Variants in CCDC191 observed in about 807,000 individuals in gnomAD.
CCDC191 encodes coiled-coil domain containing 191, also known as coiled-coil domain-containing protein 191.
Under a neutral mutation model 114.0 loss-of-function variants are expected in CCDC191, and 99 were observed. The observed-to-expected ratio is 0.87, with a 90% CI of 0.74 to 1.03. The LOEUF (loss-of-function observed/expected upper bound fraction) is 1.03. CCDC191 is among the 50% of genes least tolerant of loss of function. The pLI is 0.00. For synonymous variants in CCDC191, 351 were observed against 376.0 expected, an observed-to-expected ratio of 0.93 and a Z score of 0.77; for missense variants, 973 against 1,087.0, an observed-to-expected ratio of 0.90 and a Z score of 1.47.
At chr3:114,002,818 G>C (rs746497119) in intron 11 of CCDC191, 303 of 934,536 alleles carry the variant, frequency 3.2e-4, no homozygotes, top group Non-Finnish European at 3.6e-4. Context: ...GATTTATAAT[G>C]TGCCTTGATG....
At chr3:113,988,104 T>A (rs2075429139) in intron 13 of CCDC191, among the ~76,000 whole-genome samples, 1 of 151,068 alleles carries the variant, frequency 6.6e-6, no homozygotes, top group South Asian at 2.1e-4. Flanking sequence ...TAAAATAGAA[T>A]CATAAAGATG....
Position 114,036,560 on chromosome 3 carries a change from C to A in CCDC191, c.594+48G>T, listed in dbSNP as rs1172762806. 3 of 1,383,820 alleles carry A rather than the reference C, an allele frequency of 2.2e-6. No homozygotes were observed. The African/African-American group carries it at 4.4e-5, about 20-fold the overall frequency. The allele number at this position is 1,383,820 out of a possible 1,614,324, so 85.7% of individuals were successfully genotyped here. On this transcript the variant is annotated intron_variant, in intron 5 of 16. Transcript: ENST00000295878. ...ATTTAAGCTTATTAAATGTGTTACACAAAGACTGCTTCCTGTTATCCATTT... is the reference window on the plus strand; with the variant it reads ...ATTTAAGCTTATTAAATGTGTTACAAAAAGACTGCTTCCTGTTATCCATTT...
intron 16 of CCDC191, among the ~76,000 whole-genome samples, chr3:113,967,776 T>C (rs1398383678): frequency 6.6e-6 from 1 of 152,182 alleles, no homozygotes; most frequent in Non-Finnish European, 1.5e-5. Context: ...AATCAACCTC[T>C]CTTCATCCAC....
intron 16 of CCDC191, among the ~76,000 whole-genome samples, chr3:113,976,069 C>T (rs952855688): frequency 9.9e-5 from 15 of 151,500 alleles, no homozygotes; most frequent in Non-Finnish European, 1.6e-4. Context: ...TCAGCCTGGG[C>T]AGCATGGTAA....
At chr3:114,027,994 A>G (rs2076348798) in intron 7 of CCDC191, among the ~76,000 whole-genome samples, 2 of 152,226 alleles carry the variant, frequency 1.3e-5, no homozygotes, top group Non-Finnish European at 2.9e-5. Context: ...TGTCCTATCT[A>G]TAACCAAGTC....
chr3:114,024,877 G>C (rs895763958), intron 7 of CCDC191, among the ~76,000 whole-genome samples: 1 of 152,016 alleles, frequency 6.6e-6, no homozygotes, highest in Non-Finnish European at 1.5e-5. Context: ...CTTTGTCATG[G>C]CAAAATAAAT....
chr3:114,042,918 A>G, intron 3 of CCDC191, 72 bp from the exon 4 acceptor site: 3 of 1,372,818 alleles, frequency 2.2e-6, no homozygotes, highest in Non-Finnish European at 3.0e-6. Flanking sequence ...GTTTTCATTT[A>G]TTCAATAAAT....
chr3:114,033,155 T>G (rs962006499), intron 6 of CCDC191, among the ~76,000 whole-genome samples: 3 of 151,724 alleles, frequency 2.0e-5, no homozygotes, highest in Non-Finnish European at 1.5e-5. Context: ...TGGAGTGCAG[T>G]GGCATGATCT....
In CCDC191 at chr3:114,016,061, C is replaced by T. The variant is rs116980708; in HGVS notation, c.1163+2617G>A. ...TCTGGGCCCTTCATGGCGGACAGGC[C>T]AGTGAGCGGAAATCGAGGTGGCAAA... On this transcript the variant is annotated intron_variant, in intron 8 of 16. Transcript: ENST00000295878. Among the ~76,000 whole-genome samples, 6 of 152,326 alleles carry T rather than the reference C, an allele frequency of 3.9e-5. No individual in the cohort carries two copies. The East Asian group carries it at 1.2e-3, about 29-fold the overall frequency.
rs764397230 is a variant in CCDC191, at chr3:114,018,877, G to T, written c.973-9C>A. 2.5e-6 allele frequency: 4 copies of T among 1,612,060 alleles called. No homozygotes were observed. Among genetic ancestry groups the T allele is most frequent in the South Asian group, 1.1e-5 (1 of 90,922 alleles). ...AAATACCGTTTTTGACACTGCAGCG[G>T]AAATATTAGGAAAATCACCACCCAT... On this transcript the variant is annotated splice_polypyrimidine_tract_variant and intron_variant, in intron 7 of 16. Transcript: ENST00000295878.
intron 11 of CCDC191, chr3:114,004,406 G>A: frequency 9.3e-7 from 1 of 1,072,338 alleles, no homozygotes; most frequent in Non-Finnish European, 1.1e-6. Context: ...ATGTTTTTTT[G>A]TGTGTGTGTT....
At chr3:114,038,891 G>C (rs2076523240) in intron 4 of CCDC191, among the ~76,000 whole-genome samples, 1 of 152,156 alleles carries the variant, frequency 6.6e-6, no homozygotes, top group South Asian at 2.1e-4. Context: ...ATGGGTGGCA[G>C]GGGGAGGAAG....
rs2076307669 is a variant in CCDC191 at position 114,025,434 on chromosome 3, T to C, written c.972+6192A>G. On this transcript the variant is annotated intron_variant, in intron 7 of 16. Coordinates refer to ENST00000295878, the MANE Select transcript of CCDC191 (RefSeq NM_020817.2). Reference sequence around the variant, plus strand: ...ATCACAGATACCGCATATTGTATCATGTTATCCATAAATGTGTCAATATGT... The same window carrying C: ...ATCACAGATACCGCATATTGTATCACGTTATCCATAAATGTGTCAATATGT... Among the ~76,000 whole-genome samples, 4 of 152,308 alleles carry C rather than the reference T, an allele frequency of 2.6e-5. No individual in the cohort carries two copies. The South Asian group carries it at 8.3e-4, about 32-fold the overall frequency.
intron 4 of CCDC191, among the ~76,000 whole-genome samples, chr3:114,041,405 T>A (rs192007652): frequency 1.3e-5 from 2 of 152,346 alleles, no homozygotes; most frequent in Admixed American, 1.3e-4. Flanking sequence ...CATGTTATTT[T>A]AGTTGTACCA....
At chr3:114,047,736 A>G (rs1218780499) in intron 2 of CCDC191, among the ~76,000 whole-genome samples, 2 of 152,102 alleles carry the variant, frequency 1.3e-5, no homozygotes, top group African/African-American at 4.8e-5. Flanking sequence ...GCACTTTGGG[A>G]GGCCGAGGCG....
chr3:114,006,073 G>A lies in CCDC191; in HGVS notation c.1414-111C>T, dbSNP rs902897263. 5.2e-6 allele frequency: 5 copies of A among 959,596 alleles called. No homozygotes were observed. The Admixed American group carries it at 7.7e-5, about 15-fold the overall frequency. 59.4% of individuals were successfully genotyped at this position (959,596 alleles called of 1,614,324 possible). A position where few individuals can be genotyped will look rare whatever the true frequency, so the allele number is the denominator to read the frequency against. ...TTTAATGGCACAACTGCCATGTATT[G>A]CAGGTAAAGGTGGTCTGTGCTCCTG... On this transcript the variant is annotated intron_variant, in intron 9 of 16. Transcript: ENST00000295878.
At chr3:114,004,304 C>A (rs73230277) in intron 11 of CCDC191, 37,752 of 998,456 alleles carry the variant, frequency 0.038, 759 homozygotes, top group South Asian at 0.051. Flanking sequence ...TTGTCCTTGG[C>A]AGTTACTCAG....
At chr3:113,968,618 A>C (rs927417539) in intron 16 of CCDC191, among the ~76,000 whole-genome samples, 2 of 147,536 alleles carry the variant, frequency 1.4e-5, no homozygotes, top group African/African-American at 2.5e-5. Context: ...CCTGGCTAAT[A>C]GTTTTTTGTT....
chr3:114,029,704 C>T (rs2076377100), intron 7 of CCDC191, among the ~76,000 whole-genome samples: 2 of 152,150 alleles, frequency 1.3e-5, no homozygotes, highest in Non-Finnish European at 2.9e-5. Context: ...TCAGTAATTA[C>T]GTCCTCCTTG....
Sources: gnomAD v4.1 joint callset for allele counts (sites outside exome capture counted in the v4.1 genomes callset) on GRCh38, gnomAD v4.1.1 for gene constraint, MANE v1.5 for transcripts, NCBI Gene and HGNC (gene_info 2026-07-23, HGNC 2026-07-21) for gene names.